Variants in PRELID2 observed in about 807,000 individuals in gnomAD.
PRELID2 encodes PRELI domain-containing protein 2.
In PRELID2, 25 loss-of-function variants were observed where a neutral mutation model predicts 28.4. That is an observed-to-expected ratio of 0.88 (90% CI 0.64 to 1.23). The LOEUF is 1.23. Ranked by LOEUF, PRELID2 falls within the 50% of genes most tolerant of loss-of-function variation. The pLI is 0.00. For synonymous variants in PRELID2, 76 were observed against 71.6 expected (o/e 1.06, Z -0.31); for missense variants, 201 against 214.4 (o/e 0.94, Z 0.39).
At chr5:145,623,433 G>A in intron 1 of PRELID2, among the ~76,000 whole-genome samples, 1 of 149,694 alleles carries the variant, frequency 6.7e-6, no homozygotes, top group Non-Finnish European at 1.5e-5. Flanking sequence ...GGGTGATGGA[G>A]CAAAACTCCT....
At chr5:145,571,029 T>C (rs137987779) in intron 1 of PRELID2, among the ~76,000 whole-genome samples, 1 of 152,342 alleles carries the variant, frequency 6.6e-6, no homozygotes, top group East Asian at 1.9e-4. Flanking sequence ...TGAATCCAAA[T>C]GGCAGAACAT....
At chr5:145,819,625 T>C (rs1754617217) in intron 3 of PRELID2, 1 of 577,672 alleles carries the variant, frequency 1.7e-6, no homozygotes. Context: ...TTTCTGATCA[T>C]TCTCACCTAA....
the PRELID2 span, among the ~76,000 whole-genome samples, chr5:145,430,367 G>A: frequency 6.6e-6 from 1 of 152,076 alleles, no homozygotes; most frequent in African/African-American, 2.4e-5. Flanking sequence ...TCTTGCTCAT[G>A]GTACACAACT....
the PRELID2 span, among the ~76,000 whole-genome samples, chr5:145,267,047 A>G: frequency 2.0e-5 from 3 of 152,066 alleles, no homozygotes; most frequent in African/African-American, 7.2e-5. Context: ...ATTAAGTATT[A>G]ACTCACACAA....
the PRELID2 span, among the ~76,000 whole-genome samples, chr5:145,241,482 G>A: frequency 6.6e-6 from 1 of 151,966 alleles, no homozygotes; most frequent in East Asian, 1.9e-4. Flanking sequence ...CGTTGCTCTT[G>A]TCATAGCACT....
chr5:145,435,620 G>A, the PRELID2 span, among the ~76,000 whole-genome samples: 10 of 152,110 alleles, frequency 6.6e-5, no homozygotes, highest in Non-Finnish European at 7.4e-5. Context: ...AACAGTCAAT[G>A]ACTTCCTAGG....
chr5:145,569,533 C>T (rs554029731), intron 1 of PRELID2, among the ~76,000 whole-genome samples: 137 of 152,214 alleles, frequency 9.0e-4, no homozygotes, highest in African/African-American at 3.0e-3. Flanking sequence ...AATCTTGATG[C>T]AGTGATATGG....
the PRELID2 span, among the ~76,000 whole-genome samples, chr5:145,466,582 A>G: frequency 6.6e-6 from 1 of 152,178 alleles, no homozygotes; most frequent in Admixed American, 6.5e-5. Flanking sequence ...TAAATAGTTT[A>G]TCCACTAAGT....
chr5:145,525,942 ACTT>A (rs1376524773), intron 1 of PRELID2, among the ~76,000 whole-genome samples: 1 of 152,104 alleles, frequency 6.6e-6, no homozygotes, highest in Non-Finnish European at 1.5e-5. Flanking sequence ...TTCTGGGTCT[ACTT>A]CTTTCATTCA....
At chr5:145,763,588 T>G (rs1188549628) in intron 6 of PRELID2, among the ~76,000 whole-genome samples, 1 of 152,196 alleles carries the variant, frequency 6.6e-6, no homozygotes, top group Non-Finnish European at 1.5e-5. Context: ...CCAAGGTGCT[T>G]GTATATGATG....
At chr5:145,703,342 T>C (rs1178712153) in intron 1 of PRELID2, among the ~76,000 whole-genome samples, 2 of 152,244 alleles carry the variant, frequency 1.3e-5, no homozygotes, top group African/African-American at 4.8e-5. Flanking sequence ...TGATGTCTCA[T>C]CTTCCTTCTG....
intron 1 of PRELID2, among the ~76,000 whole-genome samples, chr5:145,656,184 C>A (rs530099530): frequency 7.2e-5 from 11 of 152,212 alleles, no homozygotes; most frequent in South Asian, 6.2e-4. Context: ...GAGAAATGCA[C>A]ATCAAAACCA....
At chr5:145,771,869 G>A (rs1298194737) in intron 5 of PRELID2, among the ~76,000 whole-genome samples, 2 of 151,978 alleles carry the variant, frequency 1.3e-5, no homozygotes, top group Non-Finnish European at 2.9e-5. Flanking sequence ...AAAAAAGCAA[G>A]AAAGAAAATG....
rs751885990 is a variant in PRELID2 at position 145,820,001 on chromosome 5, T to C, written c.151A>G (p.Ile51Val). The C allele has an allele frequency of 1.9e-6, 3 of 1,596,900 alleles. No homozygotes were observed. Among genetic ancestry groups the C allele is most frequent in the Admixed American group, 1.7e-5 (1 of 57,544 alleles). The change falls in exon 3 of 7, where the codon ATC becomes GTC. Residue 51 changes from isoleucine (I) to valine (V), a missense_variant. Transcript: ENST00000683046. ...CAGATTGCAATCCTCTTTCTGTAGA[T>C]GACCCCTGTTGATTCATCTAAAAAA... Reference protein sequence around the residue: ...EEKRDESTGVIYRKRIAICQN... With the variant: ...EEKRDESTGVVYRKRIAICQN...
the PRELID2 span, among the ~76,000 whole-genome samples, chr5:145,415,337 T>C: frequency 6.6e-6 from 1 of 151,932 alleles, no homozygotes; most frequent in African/African-American, 2.4e-5. Flanking sequence ...AATGTGCAGG[T>C]TAGTTACATA....
At chr5:145,571,981 C>CAAA (rs557402967) in intron 1 of PRELID2, among the ~76,000 whole-genome samples, 1 of 100,918 alleles carries the variant, frequency 9.9e-6, no homozygotes, top group Admixed American at 9.4e-5. Context: ...GACTCCGTCT[C>CAAA]AAAAAAAAAA....
chr5:145,460,455 TA>T, the PRELID2 span, among the ~76,000 whole-genome samples: 1 of 152,220 alleles, frequency 6.6e-6, no homozygotes, highest in Non-Finnish European at 1.5e-5. Context: ...ACACACTTAT[TA>T]ATTTCCATAC....
intron 1 of PRELID2, among the ~76,000 whole-genome samples, chr5:145,723,378 G>A (rs1383644653): frequency 6.6e-6 from 1 of 152,154 alleles, no homozygotes; most frequent in Non-Finnish European, 1.5e-5. Context: ...ACTATTCAAT[G>A]TAGAGAGGTC....
chr5:145,334,291 A>G, the PRELID2 span, among the ~76,000 whole-genome samples: 1 of 152,182 alleles, frequency 6.6e-6, no homozygotes, highest in African/African-American at 2.4e-5. Flanking sequence ...TGTAGTTATA[A>G]ATATCTGTTT....
Sources: allele counts gnomAD v4.1 joint callset (sites outside exome capture counted in the v4.1 genomes callset), GRCh38; gene constraint gnomAD v4.1.1; transcripts MANE v1.5; gene names NCBI Gene and HGNC (gene_info 2026-07-23, HGNC 2026-07-21).